RGS6: variants seen among roughly 807,000 people sequenced by gnomAD.
RGS6 encodes the protein regulator of G-protein signaling 6.
In RGS6, 30 loss-of-function variants were observed where a neutral mutation model predicts 78.5. The observed-to-expected ratio is 0.38, with a 90% CI of 0.29 to 0.52. The LOEUF is 0.52. Among genes scored for constraint, RGS6 ranks in the 20% least tolerant of loss-of-function variants. The probability of loss-of-function intolerance (pLI) is 0.85; values close to 1 mark genes in which losing one functional copy is unlikely to be tolerated. For synonymous variants in RGS6, 206 were observed against 206.0 expected, an observed-to-expected ratio of 1.00 and a Z score of 0.00; for missense variants, 495 against 609.7, an observed-to-expected ratio of 0.81 and a Z score of 1.98.
intron 2 of RGS6, among the ~76,000 whole-genome samples, chr14:72,088,309 T>C (rs993186355): frequency 3.9e-5 from 6 of 152,178 alleles, no homozygotes; most frequent in African/African-American, 1.4e-4. Context: ...CACTCCTCCT[T>C]CCCATTATCA....
At chr14:72,334,639 T>C (rs1287570811) in intron 2 of RGS6, among the ~76,000 whole-genome samples, 1 of 152,198 alleles carries the variant, frequency 6.6e-6, no homozygotes, top group African/African-American at 2.4e-5. Context: ...ATGGAAGTCA[T>C]CTAATTCATT....
chr14:72,035,459 C>T (rs921525275), intron 2 of RGS6, among the ~76,000 whole-genome samples: 1 of 151,774 alleles, frequency 6.6e-6, no homozygotes, highest in East Asian at 1.9e-4. Context: ...TTTTTCTATT[C>T]TCTAATTTGT....
intron 3 of RGS6, among the ~76,000 whole-genome samples, chr14:72,441,748 C>T (rs748099962): frequency 2.6e-5 from 4 of 152,316 alleles, no homozygotes; most frequent in Admixed American, 6.5e-5. Flanking sequence ...TGTTTTTTGC[C>T]GCGCCCAAAG....
At chr14:72,220,158 A>G (rs1293936518) in intron 2 of RGS6, among the ~76,000 whole-genome samples, 1 of 152,262 alleles carries the variant, frequency 6.6e-6, no homozygotes, top group Non-Finnish European at 1.5e-5. Flanking sequence ...TAAAATATCT[A>G]GGAATACAGC....
At chr14:72,021,464 C>CTTTTTTTTTTTTTTTTTTTTTTT (rs533727083) in intron 2 of RGS6, among the ~76,000 whole-genome samples, 1 of 122,424 alleles carries the variant, frequency 8.2e-6, no homozygotes, top group African/African-American at 3.2e-5. Context: ...CTTTTTCTAA[C>CTTTTTTTTTTTTTTTTTTTTTTT]TTTTTTTTTT....
intron 17 of RGS6, chr14:72,541,124 AG>A (rs2097321445): frequency 7.3e-7 from 1 of 1,366,222 alleles, no homozygotes; most frequent in African/African-American, 1.5e-5. Flanking sequence ...GGTCCCATGC[AG>A]GGAGCTGGCC....
chr14:71,982,126 C>A (rs925729847), intron 2 of RGS6, among the ~76,000 whole-genome samples: 4 of 149,554 alleles, frequency 2.7e-5, no homozygotes, highest in Non-Finnish European at 3.0e-5. Context: ...AGTGAGGCAA[C>A]GCCTCGCCCT....
intron 3 of RGS6, among the ~76,000 whole-genome samples, chr14:72,383,357 T>C (rs2086843355): frequency 3.3e-5 from 5 of 151,872 alleles, no homozygotes; most frequent in Admixed American, 3.3e-4. Flanking sequence ...CTGTGCTTTT[T>C]TGGATTGTGC....
chr14:72,113,079 C>T (rs922526731), intron 2 of RGS6, among the ~76,000 whole-genome samples: 1 of 70,048 alleles, frequency 1.4e-5, no homozygotes, highest in Non-Finnish European at 3.7e-5. Flanking sequence ...CACACACACG[C>T]ATGCACGCAT....
intron 3 of RGS6, among the ~76,000 whole-genome samples, chr14:72,395,507 A>G (rs1347600440): frequency 6.6e-6 from 1 of 151,982 alleles, no homozygotes; most frequent in East Asian, 1.9e-4. Flanking sequence ...TCTGACCCTC[A>G]TATAATTTTT....
intron 2 of RGS6, among the ~76,000 whole-genome samples, chr14:72,101,179 A>G (rs548565379): frequency 6.6e-6 from 1 of 152,308 alleles, no homozygotes; most frequent in South Asian, 2.1e-4. Context: ...CCCTGTCTCA[A>G]AAACAAACAA....
At chr14:71,999,568 T>C (rs1009017) in intron 2 of RGS6, among the ~76,000 whole-genome samples, 117,092 of 152,032 alleles carry the variant, frequency 0.77, 45,207 homozygotes, top group African/African-American at 0.84. Flanking sequence ...AATCATAACC[T>C]CAATGTTGGA....
At chr14:72,543,097 T>G (rs76121600) in intron 17 of RGS6, among the ~76,000 whole-genome samples, 5,506 of 152,276 alleles carry the variant, frequency 0.036, 167 homozygotes, top group East Asian at 0.092. Flanking sequence ...TTTTGCAGAC[T>G]GAAACCACAA....
intron 2 of RGS6, among the ~76,000 whole-genome samples, chr14:72,337,369 A>G (rs2076226294): frequency 6.6e-6 from 1 of 151,940 alleles, no homozygotes; most frequent in African/African-American, 2.4e-5. Flanking sequence ...TCAGATCTGC[A>G]TCGCTCCTCT....
chr14:72,431,443 C>T (rs1284339150), intron 3 of RGS6, among the ~76,000 whole-genome samples: 1 of 152,210 alleles, frequency 6.6e-6, no homozygotes, highest in Admixed American at 6.5e-5. Flanking sequence ...ACCTCTGCCT[C>T]CTATATTCAA....
chr14:71,876,703 T>C, the RGS6 span, among the ~76,000 whole-genome samples: 1 of 152,004 alleles, frequency 6.6e-6, no homozygotes, highest in South Asian at 2.1e-4. Flanking sequence ...TATGTGTGAA[T>C]TTGATCCTGT....
chr14:72,068,895 C>T lies in RGS6; in HGVS notation c.84+104020C>T, dbSNP rs961120786. The stretch of plus-strand genomic sequence containing the variant: ...ATGGATCATTTAGTCTATTTATTTA[C>T]ATTTATTATATTCTTGATATATTTG... On this transcript the variant is annotated intron_variant, in intron 2 of 17. Transcript: ENST00000553525. Among the ~76,000 whole-genome samples, 7 of 152,104 alleles carry T rather than the reference C, an allele frequency of 4.6e-5. No homozygotes were observed. The East Asian group carries it at 1.4e-3, about 29-fold the overall frequency.
intron 2 of RGS6, among the ~76,000 whole-genome samples, chr14:72,295,082 G>A (rs1027925204): frequency 7.2e-5 from 11 of 152,012 alleles, no homozygotes; most frequent in Non-Finnish European, 1.3e-4. Flanking sequence ...ACGAGGTCAG[G>A]AGATCGAGAC....
chr14:72,376,304 C>A (rs527465047), intron 3 of RGS6, among the ~76,000 whole-genome samples: 2 of 151,676 alleles, frequency 1.3e-5, no homozygotes, highest in Admixed American at 6.6e-5. Context: ...TACAGGCAAA[C>A]AAATAGATGA....
Sources: gnomAD v4.1 joint callset for allele counts (sites outside exome capture counted in the v4.1 genomes callset) on GRCh38, gnomAD v4.1.1 for gene constraint, MANE v1.5 for transcripts, NCBI Gene and HGNC (gene_info 2026-07-23, HGNC 2026-07-21) for gene names.